OPHN1: variants seen among roughly 807,000 people sequenced by gnomAD.
The protein encoded by OPHN1 is oligophrenin-1.
A neutral mutation model predicts 60.7 loss-of-function variants in OPHN1; 11 were observed. That is an observed-to-expected ratio of 0.18 (90% CI 0.11 to 0.30). The LOEUF (loss-of-function observed/expected upper bound fraction) is 0.30. Among genes scored for constraint, OPHN1 ranks in the 10% least tolerant of loss-of-function variants. The pLI is 1.00. For synonymous variants in OPHN1, 226 were observed against 222.6 expected, an observed-to-expected ratio of 1.02 and a Z score of -0.14; for missense variants, 449 against 611.0, an observed-to-expected ratio of 0.73 and a Z score of 2.80.
At chrX:68,322,918 A>C (rs900190239) in intron 2 of OPHN1, among the ~76,000 whole-genome samples, 27 of 112,237 alleles carry the variant, frequency 2.4e-4, no homozygotes, top group African/African-American at 8.4e-4. Flanking sequence ...AAAATCTTAA[A>C]AGGTCACATA....
At chrX:68,406,649 C>T (rs1375878203) in intron 2 of OPHN1, among the ~76,000 whole-genome samples, 3 of 111,565 alleles carry the variant, frequency 2.7e-5, no homozygotes, top group Non-Finnish European at 5.6e-5. Context: ...AATACTTCTA[C>T]TATGCATATG....
At chrX:68,210,132 T>C in intron 9 of OPHN1, 21 bp downstream of exon 9, 2 of 1,208,788 alleles carry the variant, frequency 1.7e-6, no homozygotes, top group South Asian at 3.5e-5. Context: ...ACCCAATGGA[T>C]ACCCCTATGT....
intron 15 of OPHN1, among the ~76,000 whole-genome samples, chrX:68,187,661 T>G (rs906393389): frequency 1.8e-5 from 2 of 111,324 alleles, no homozygotes; most frequent in African/African-American, 6.5e-5. Context: ...GGAGTCTTGC[T>G]CTGTCGCCCA....
intron 19 of OPHN1, among the ~76,000 whole-genome samples, chrX:68,094,809 C>A (rs1033690283): frequency 1.8e-5 from 2 of 111,347 alleles, no homozygotes; most frequent in Admixed American, 1.9e-4. Flanking sequence ...TCCACTCTAG[C>A]TAGTCTGGCC....
intron 5 of OPHN1, among the ~76,000 whole-genome samples, chrX:68,252,505 A>C (rs1414804667): frequency 1.8e-5 from 2 of 112,023 alleles, no homozygotes; most frequent in African/African-American, 3.2e-5. Flanking sequence ...AGCTTGTTTA[A>C]AGTTCTTATT....
rs368691205 is a variant in OPHN1, at chrX:68,333,671, G to GCACACA, written c.155-34581_155-34576dup. Among the ~76,000 whole-genome samples, 29 of 107,397 alleles carry GCACACA rather than the reference G, an allele frequency of 2.7e-4. No individual in the cohort carries two copies. The East Asian group carries it at 7.7e-3, about 28-fold the overall frequency. 93.3% of individuals were successfully genotyped at this position (107,397 alleles called of 115,157 possible). ...AATAAATAATAAAGCGCGCGTGCGT[G>GCACACA]CACACACACACACACAGACACACAC... On this transcript the variant is annotated intron_variant, in intron 2 of 24. Coordinates refer to ENST00000355520, the MANE Select transcript of OPHN1 (RefSeq NM_002547.3).
intron 2 of OPHN1, among the ~76,000 whole-genome samples, chrX:68,354,731 G>C (rs1424695565): frequency 3.8e-5 from 4 of 104,128 alleles, no homozygotes; most frequent in African/African-American, 1.5e-4. Context: ...CTCCAGCATG[G>C]GTGATAGCGA....
At chrX:68,190,112 G>A (rs918131874) in intron 15 of OPHN1, among the ~76,000 whole-genome samples, 1 of 111,589 alleles carries the variant, frequency 9.0e-6, no homozygotes, top group East Asian at 2.8e-4. Context: ...GATCAGGAAA[G>A]GGTGAAAAGA....
At chrX:68,394,409 T>C (rs936599625) in intron 2 of OPHN1, among the ~76,000 whole-genome samples, 9 of 111,833 alleles carry the variant, frequency 8.0e-5, no homozygotes, top group Non-Finnish European at 1.1e-4. Context: ...TTACTCTCCA[T>C]TGACTAATTT....
At chrX:68,430,298 A>G (rs1258818868) in intron 2 of OPHN1, among the ~76,000 whole-genome samples, 1 of 111,805 alleles carries the variant, frequency 8.9e-6, no homozygotes, top group African/African-American at 3.2e-5. Flanking sequence ...GCCTCTAGCT[A>G]ATCAGACTTT....
intron 2 of OPHN1, among the ~76,000 whole-genome samples, chrX:68,378,811 T>C (rs1482823050): frequency 1.8e-5 from 2 of 111,745 alleles, no homozygotes; most frequent in Non-Finnish European, 3.8e-5. Context: ...TTGGTACCAG[T>C]ACCATGCTGT....
intron 18 of OPHN1, among the ~76,000 whole-genome samples, chrX:68,110,594 A>G (rs1192504401): frequency 8.9e-6 from 1 of 112,073 alleles, no homozygotes; most frequent in African/African-American, 3.2e-5. Context: ...ACAGATCTGG[A>G]ACTTGGACTC....
At chrX:68,067,833 T>C (rs1325411558) in intron 20 of OPHN1, among the ~76,000 whole-genome samples, 1 of 111,858 alleles carries the variant, frequency 8.9e-6, no homozygotes, top group Non-Finnish European at 1.9e-5. Flanking sequence ...ATGCTACTGG[T>C]GAGCAGGATT....
At chrX:68,425,672 T>A (rs1349250203) in intron 2 of OPHN1, among the ~76,000 whole-genome samples, 1 of 110,950 alleles carries the variant, frequency 9.0e-6, no homozygotes, top group Non-Finnish European at 1.9e-5. Flanking sequence ...GTGACCTTTT[T>A]TTAAAAAATT....
intron 15 of OPHN1, among the ~76,000 whole-genome samples, chrX:68,139,406 C>A (rs2077233453): frequency 9.0e-6 from 1 of 111,573 alleles, no homozygotes; most frequent in African/African-American, 3.3e-5. Context: ...AAATCCACTT[C>A]AAAATAATCC....
chrX:68,368,656 T>C (rs761500079), intron 2 of OPHN1, among the ~76,000 whole-genome samples: 1 of 111,767 alleles, frequency 8.9e-6, no homozygotes, highest in African/African-American at 3.2e-5. Context: ...TGAGCTAGTT[T>C]ATAAGTGCAA....
intron 2 of OPHN1, among the ~76,000 whole-genome samples, chrX:68,387,260 T>G (rs1287152258): frequency 9.3e-6 from 1 of 107,488 alleles, no homozygotes; most frequent in Non-Finnish European, 1.9e-5. Flanking sequence ...CATGGGCAAG[T>G]CGTGATGATT....
chrX:68,224,463 G>A (rs764872712), intron 6 of OPHN1, among the ~76,000 whole-genome samples: 4 of 111,028 alleles, frequency 3.6e-5, no homozygotes, highest in East Asian at 5.6e-4. Flanking sequence ...TTTGAAACTC[G>A]CCTGGGCAAC....
At chrX:68,239,993 T>G (rs1359698615) in intron 5 of OPHN1, among the ~76,000 whole-genome samples, 1 of 111,211 alleles carries the variant, frequency 9.0e-6, no homozygotes, top group African/African-American at 3.3e-5. Context: ...GTATTTTTAG[T>G]GGAGATGGGT....
Sources: allele counts gnomAD v4.1 joint callset (sites outside exome capture counted in the v4.1 genomes callset), GRCh38; gene constraint gnomAD v4.1.1; transcripts MANE v1.5; gene names NCBI Gene and HGNC (gene_info 2026-07-23, HGNC 2026-07-21).